Variants in SPEN observed in about 807,000 individuals in gnomAD.
SPEN encodes the protein spen family transcriptional repressor, also known as msx2-interacting protein.
In SPEN, 18 loss-of-function variants were observed where a neutral mutation model predicts 269.9. The ratio of observed to expected loss-of-function variants is 0.07; its 90% CI spans 0.05 to 0.10. The LOEUF (loss-of-function observed/expected upper bound fraction) is 0.10, where lower values mean the gene tolerates loss of function less well. SPEN is among the 10% of genes least tolerant of loss of function. The probability of loss-of-function intolerance (pLI) is 1.00; values close to 1 mark genes in which losing one functional copy is unlikely to be tolerated. For synonymous variants in SPEN, 1,726 were observed against 1,765.7 expected (o/e 0.98, Z 0.56); for missense variants, 3,822 against 4,631.2 (o/e 0.83, Z 5.07).
In SPEN at chr1:15,931,178, T is replaced by C; in HGVS notation, c.4938T>C (p.Thr1646=). 6.2e-7 allele frequency: 1 copy of C among 1,614,118 alleles called. No homozygotes were observed. The change falls in exon 11 of 15, where the codon ACT becomes ACC. Residue 1646 remains threonine (T), a synonymous_variant. Coordinates refer to ENST00000375759, the MANE Select transcript of SPEN (RefSeq NM_015001.3). The surrounding 1 kb of genome is among the most constrained non-coding windows in gnomAD (Gnocchi z 4.8). ...SVGPPSVTVV[T]LESAPSALEK... is the part of the protein sequence containing the mutation. ...GGCCTCCAAGTGTCACAGTCGTAAC[T>C]CTAGAATCAGCCCCATCAGCACTAG...
rs1335998219 is a variant in SPEN at position 15,932,427 on chromosome 1, G to A, written c.6187G>A (p.Val2063Ile). 1.4e-5 allele frequency: 23 copies of A among 1,613,936 alleles called. No homozygotes were observed. Among genetic ancestry groups the A allele is most frequent in the Non-Finnish European group, 1.9e-5 (22 of 1,179,996 alleles). ...NPPETAPVEV[V>I]EKKPAPEKNS... is the part of the protein sequence containing the mutation. Reference sequence around the variant, plus strand: ...CCCTGAAACCGCCCCTGTTGAAGTTGTAGAGAAAAAACCGGCCCCTGAAAA... The same window carrying A: ...CCCTGAAACCGCCCCTGTTGAAGTTATAGAGAAAAAACCGGCCCCTGAAAA... Residue 2063 changes from valine to isoleucine, a missense_variant, in exon 11 of 15, where the codon GTA (valine) becomes ATA (isoleucine). This residue lies in a region of SPEN where 727 missense variants were observed against 737.9 expected (regional missense o/e 0.99). Coordinates refer to ENST00000375759, the MANE Select transcript of SPEN (RefSeq NM_015001.3). This position sits in a 1 kb window ranked among gnomAD's most constrained non-coding sequence, Gnocchi z 4.2.
In SPEN at chr1:15,930,499, A is replaced by G; in HGVS notation, c.4259A>G (p.Glu1420Gly). Reference sequence around the variant, plus strand: ...GAAGACAAGCTACGTGAGCGAGATGAAAGACTCTCTAGTTCTTTAGAAAGG... The same window carrying G: ...GAAGACAAGCTACGTGAGCGAGATGGAAGACTCTCTAGTTCTTTAGAAAGG... ...DREDKLRERD[E>G]RLSSSLERNK... The change falls in exon 11 of 15, where the codon GAA (glutamate) becomes GGA (glycine). Residue 1420 changes from glutamate to glycine, a missense_variant. Physicochemically the swap from Glu to Gly is moderately conservative, Grantham distance 98 (BLOSUM62 -2). Around this residue, in one of 16 missense-constraint regions of SPEN, gnomAD observed 267 missense variants for 315.5 expected, o/e 0.85. Transcript: ENST00000375759. This position sits in a 1 kb window ranked among gnomAD's most constrained non-coding sequence, Gnocchi z 5.3. 1 of 1,614,204 alleles carries G rather than the reference A, an allele frequency of 6.2e-7. No homozygotes were observed. The highest frequency in any genetic ancestry group is 8.5e-7 in the Non-Finnish European group (1 of 1,180,040).
At chr1:15,889,710 CTTTTTTTTTTCCCCATTATTTGAGA>C (rs2070771398) in intron 3 of SPEN, among the ~76,000 whole-genome samples, 1 of 149,666 alleles carries the variant, frequency 6.7e-6, no homozygotes, top group African/African-American at 2.5e-5. Flanking sequence ...TATAGAACAC[CTTTTTTTTTTCCCCATTATTTGAGA>C]TGGAGTCTCA....
At chr1:15,920,140 G>C (rs1356750161) in intron 8 of SPEN, among the ~76,000 whole-genome samples, 1 of 152,020 alleles carries the variant, frequency 6.6e-6, no homozygotes, top group Non-Finnish European at 1.5e-5. Context: ...CGGGATCTCA[G>C]CTCACTGCAA....
chr1:15,865,060 AT>A (rs891145417), intron 1 of SPEN, among the ~76,000 whole-genome samples: 1 of 147,162 alleles, frequency 6.8e-6, no homozygotes, highest in African/African-American at 2.5e-5. Context: ...CTTAATTTTA[AT>A]TTTTTTTTGA....
chr1:15,939,001 C>T lies in SPEN; in HGVS notation c.10863+125C>T. ...GAGGTGGGCAAAGGGGCATTTTGGA[C>T]AGAAGTCAGTAGAGCACATGGGGCG... On this transcript the variant is annotated intron_variant, in intron 14 of 14. Transcript: ENST00000375759. The surrounding 1 kb of genome is among the most constrained non-coding windows in gnomAD (Gnocchi z 4.1). 4 of 1,298,890 alleles carry T rather than the reference C, an allele frequency of 3.1e-6. No homozygotes were observed. The highest frequency in any genetic ancestry group is 1.9e-4 in the Middle Eastern group (1 of 5,236). 80.5% of individuals were successfully genotyped at this position (1,298,890 alleles called of 1,614,324 possible).
At chr1:15,891,605 C>T (rs2070789885) in intron 3 of SPEN, among the ~76,000 whole-genome samples, 1 of 152,076 alleles carries the variant, frequency 6.6e-6, no homozygotes, top group Non-Finnish European at 1.5e-5. Context: ...CCACCTCAGC[C>T]TCCCAAAGTG....
chr1:15,890,824 A>G (rs1161580765), intron 3 of SPEN, among the ~76,000 whole-genome samples: 2 of 152,068 alleles, frequency 1.3e-5, no homozygotes, highest in African/African-American at 4.8e-5. Context: ...ATCTATCTCT[A>G]TAGCCTATTC....
At chr1:15,910,617 A>G (rs1570038038) in intron 4 of SPEN, among the ~76,000 whole-genome samples, 1 of 147,480 alleles carries the variant, frequency 6.8e-6, no homozygotes. Context: ...CTGCTTTCCT[A>G]CTGTTTTTTG....
In SPEN at chr1:15,934,620, G is replaced by C; in HGVS notation, c.8380G>C (p.Asp2794His). ...RFHPGSMPVI[D>H]DRPADAGSGA... ...CCACCCAGGGTCCATGCCTGTGATC[G>C]ACGATCGTCCGGCAGACGCGGGCTC... Residue 2794 changes from aspartate to histidine, a missense_variant, in exon 11 of 15, where the codon GAC (aspartate) becomes CAC (histidine). Physicochemically the swap from Asp to His is moderately conservative, Grantham distance 81. Transcript: ENST00000375759. The surrounding 1 kb of genome is among the most constrained non-coding windows in gnomAD (Gnocchi z 9.2). 6.2e-7 allele frequency: 1 copy of C among 1,613,850 alleles called. No homozygotes were observed. The highest frequency in any genetic ancestry group is 8.5e-7 in the Non-Finnish European group (1 of 1,179,790).
At chr1:15,915,326 G>C (rs574769776) in intron 5 of SPEN, among the ~76,000 whole-genome samples, 2 of 151,880 alleles carry the variant, frequency 1.3e-5, no homozygotes, top group East Asian at 1.9e-4. Flanking sequence ...CAACAGGCTG[G>C]GGGGGTGGAA....
rs1266339829 is a variant in SPEN, at chr1:15,902,346, C to A, written c.882-6975C>A. Among the ~76,000 whole-genome samples the A allele has an allele frequency of 5.1e-4, 77 of 152,272 alleles. 1 individual carries two copies. The highest frequency in any genetic ancestry group is 8.8e-5 in the Non-Finnish European group (6 of 68,034). On this transcript the variant is annotated intron_variant, in intron 3 of 14. Coordinates refer to ENST00000375759, the MANE Select transcript of SPEN (RefSeq NM_015001.3). The stretch of plus-strand genomic sequence containing the variant: ...AGTATATGAAGAAAATTTGGCCTCA[C>A]ACAGATACACAGTTGAAATAGGGAA...
At position 15,919,451 on chromosome 1, in the gene SPEN, G is replaced by A. The variant is rs766398672; in HGVS notation, c.1569G>A (p.Gly523=). Residue 523 remains glycine, a synonymous_variant, in exon 8 of 15, where the codon GGG becomes GGA. Transcript: ENST00000375759. ...SMPTNCVWLD[G]LSSNVSDQYL... is the part of the protein sequence containing the mutation. ...CTACAAACTGCGTGTGGCTAGATGG[G>A]CTTTCTTCGAATGTGTCAGATCAGT... The A allele has an allele frequency of 6.2e-7, 1 of 1,608,680 alleles. No individual in the cohort carries two copies. The highest frequency in any genetic ancestry group is 1.1e-5 in the South Asian group (1 of 89,824).
Position 15,933,870 on chromosome 1 carries a change from G to A in SPEN, c.7630G>A (p.Val2544Met), listed in dbSNP as rs1244275135. ...LRKILMDPKYVSATSVTSTSV... is the reference protein window; with the variant it reads ...LRKILMDPKYMSATSVTSTSV... ...GAAGATTCTCATGGACCCCAAGTAT[G>A]TGTCTGCCACAAGTGTCACTTCCAC... is the stretch of plus-strand genomic sequence containing the variant. The change falls in exon 11 of 15, where the codon GTG becomes ATG. Residue 2544 changes from valine to methionine, a missense_variant. Physicochemically the swap from Val to Met is conservative, Grantham distance 21. Transcript: ENST00000375759. This position sits in a 1 kb window ranked among gnomAD's most constrained non-coding sequence, Gnocchi z 5.7. The A allele has an allele frequency of 2.5e-6, 4 of 1,613,678 alleles. No homozygotes were observed. Among genetic ancestry groups the A allele is most frequent in the South Asian group, 2.2e-5 (2 of 91,086 alleles).
intron 3 of SPEN, among the ~76,000 whole-genome samples, chr1:15,904,452 C>CAAAAAAAAAAAAAAAAAAAAAAAA (rs1215369183): frequency 2.9e-4 from 14 of 48,630 alleles, no homozygotes; most frequent in Admixed American, 6.8e-4. Flanking sequence ...AACTCCATCT[C>CAAAAAAAAAAAAAAAAAAAAAAAA]AAAAAAAAAA....
At chr1:15,910,161 A>C (rs1321691088) in intron 4 of SPEN, among the ~76,000 whole-genome samples, 1 of 151,448 alleles carries the variant, frequency 6.6e-6, no homozygotes, top group Non-Finnish European at 1.5e-5. Context: ...ATTATTTACT[A>C]AAATAGCCTA....
chr1:15,934,027 T>C lies in SPEN; in HGVS notation c.7787T>C (p.Ile2596Thr), dbSNP rs2148742254. Residue 2596 changes from isoleucine to threonine, a missense_variant, in exon 11 of 15, where the codon ATA (isoleucine) becomes ACA (threonine). Transcript: ENST00000375759. The surrounding 1 kb of genome is among the most constrained non-coding windows in gnomAD (Gnocchi z 9.2). The part of the protein sequence containing the change: ...TAPPVTNNSE[I>T]QASEVLVAAD... ...CCTCCAGTGACAAACAACTCTGAGA[T>C]ACAAGCCTCGGAGGTGCTGGTAGCT... The C allele has an allele frequency of 6.2e-7, 1 of 1,613,598 alleles. No homozygotes were observed. The highest frequency in any genetic ancestry group is 8.5e-7 in the Non-Finnish European group (1 of 1,179,658).
At chr1:15,874,146 A>T (rs773910000) in intron 2 of SPEN, 1 of 1,365,408 alleles carries the variant, frequency 7.3e-7, no homozygotes, top group Admixed American at 1.9e-5. Flanking sequence ...ATTGTCTGCT[A>T]TCTCAAGAAA....
intron 3 of SPEN, among the ~76,000 whole-genome samples, chr1:15,900,031 A>G (rs1292354332): frequency 6.6e-6 from 1 of 151,902 alleles, no homozygotes; most frequent in African/African-American, 2.4e-5. Flanking sequence ...TTGTTAGTAG[A>G]GACTGGGTTT....
Sources: gnomAD v4.1 joint callset for allele counts (sites outside exome capture counted in the v4.1 genomes callset) on GRCh38, gnomAD v4.1.1 for gene constraint, gnomAD v4.1.1 regional missense constraint, Gnocchi (gnomAD v3.1) non-coding constraint, MANE v1.5 for transcripts, NCBI Gene and HGNC (gene_info 2026-07-23, HGNC 2026-07-21) for gene names.